ROBO2: variants seen among roughly 807,000 people sequenced by gnomAD.
ROBO2 encodes roundabout homolog 2.
A neutral mutation model predicts 160.8 loss-of-function variants in ROBO2; 53 were observed. The observed-to-expected ratio is 0.33, with a 90% confidence interval of 0.26 to 0.41. The LOEUF is 0.41. Among genes scored for constraint, ROBO2 ranks in the 10% least tolerant of loss-of-function variants. The probability of loss-of-function intolerance (pLI) is 1.00; values close to 1 mark genes in which losing one functional copy is unlikely to be tolerated. For missense variants in ROBO2, 1,577 were observed against 1,722.4 expected (o/e 0.92, Z 1.49); for synonymous variants, 664 against 611.7 (o/e 1.09, Z -1.26).
intron 2 of ROBO2, among the ~76,000 whole-genome samples, chr3:76,818,231 C>T (rs112101027): frequency 8.7e-4 from 133 of 152,104 alleles, no homozygotes; most frequent in African/African-American, 3.1e-3. Flanking sequence ...ATTTGAATTT[C>T]CCTGATCATT....
chr3:77,123,004 T>G (rs762526559), intron 2 of ROBO2, among the ~76,000 whole-genome samples: 26 of 152,148 alleles, frequency 1.7e-4, no homozygotes, highest in Non-Finnish European at 3.2e-4. Flanking sequence ...AAGTCATTAC[T>G]TTGTTATTAA....
intron 2 of ROBO2, among the ~76,000 whole-genome samples, chr3:76,579,948 C>T (rs947438329): frequency 6.6e-6 from 1 of 152,072 alleles, no homozygotes; most frequent in Non-Finnish European, 1.5e-5. Flanking sequence ...CCTTTTTAGA[C>T]AGGGTCCATT....
intron 2 of ROBO2, among the ~76,000 whole-genome samples, chr3:77,473,440 CTTTTTTTTTTTTTTTTTTTTTTTT>C (rs71104688): frequency 0.063 from 4,934 of 78,002 alleles, 389 homozygotes; most frequent in African/African-American, 0.21. Flanking sequence ...ACAAACTGCT[CTTTTTTTTTTTTTTTTTTTTTTTT>C]TTTTTTTTTT....
At chr3:76,516,882 T>C (rs2081368806) in intron 2 of ROBO2, among the ~76,000 whole-genome samples, 1 of 152,170 alleles carries the variant, frequency 6.6e-6, no homozygotes, top group African/African-American at 2.4e-5. Flanking sequence ...AGCTGTTTTA[T>C]TGCTTAATCC....
At chr3:75,934,241 T>C (rs1947670815) in intron 1 of ROBO2, among the ~76,000 whole-genome samples, 2 of 152,222 alleles carry the variant, frequency 1.3e-5, no homozygotes, top group Non-Finnish European at 2.9e-5. Context: ...ATCTGTTTTA[T>C]GTGCAGAAGA....
At chr3:75,982,668 G>C (rs1468553413) in intron 2 of ROBO2, among the ~76,000 whole-genome samples, 1 of 151,424 alleles carries the variant, frequency 6.6e-6, no homozygotes, top group Non-Finnish European at 1.5e-5. Context: ...TCACATCTTT[G>C]TTTTACCTAA....
At chr3:77,186,983 A>G (rs1579773305) in intron 2 of ROBO2, among the ~76,000 whole-genome samples, 1 of 152,160 alleles carries the variant, frequency 6.6e-6, no homozygotes, top group South Asian at 2.1e-4. Flanking sequence ...AGTGAAAGCT[A>G]TAAGTTTTCT....
intron 2 of ROBO2, among the ~76,000 whole-genome samples, chr3:76,915,172 A>C (rs1471293108): frequency 6.6e-6 from 1 of 152,148 alleles, no homozygotes; most frequent in Non-Finnish European, 1.5e-5. Flanking sequence ...TGTAAGTTCC[A>C]TGACAGCTGG....
At position 76,352,895 on chromosome 3, in the gene ROBO2, T is replaced by C. The variant is rs555579827; in HGVS notation, c.109+415293T>C. Among the ~76,000 whole-genome samples the C allele has an allele frequency of 2.6e-5, 4 of 152,062 alleles. No homozygotes were observed. The East Asian group carries it at 7.8e-4, about 30-fold the overall frequency. ...GATTACCCCATTGTTACAAATTCAC[T>C]CTGAAAATAGCAAGGCACACGTGGC... is the stretch of plus-strand genomic sequence containing the variant. On this transcript the variant is annotated intron_variant, in intron 2 of 26. Coordinates refer to the ROBO2 transcript ENST00000487694.
chr3:77,205,399 TTC>T (rs1305750585), intron 2 of ROBO2, among the ~76,000 whole-genome samples: 3 of 151,898 alleles, frequency 2.0e-5, no homozygotes, highest in Admixed American at 6.6e-5. Context: ...ACTCCTTCTC[TTC>T]TCTCTCTTTC....
At chr3:76,444,434 G>C (rs931172074) in intron 2 of ROBO2, among the ~76,000 whole-genome samples, 5 of 152,054 alleles carry the variant, frequency 3.3e-5, no homozygotes, top group African/African-American at 1.2e-4. Flanking sequence ...AGCTGCCCAA[G>C]ACTGAGTAAT....
intron 2 of ROBO2, among the ~76,000 whole-genome samples, chr3:77,012,944 T>A (rs1478162964): frequency 1.3e-5 from 2 of 152,224 alleles, no homozygotes; most frequent in African/African-American, 4.8e-5. Flanking sequence ...TACATTTCAC[T>A]GTATGATTTC....
intron 2 of ROBO2, among the ~76,000 whole-genome samples, chr3:77,134,365 C>A (rs1235279503): frequency 6.6e-6 from 1 of 152,188 alleles, no homozygotes; most frequent in Non-Finnish European, 1.5e-5. Context: ...TTGGTCAAAG[C>A]ATTCTTGAAA....
At chr3:76,756,465 T>C (rs1356132397) in intron 2 of ROBO2, among the ~76,000 whole-genome samples, 4 of 151,824 alleles carry the variant, frequency 2.6e-5, no homozygotes, top group African/African-American at 9.7e-5. Context: ...GGATTTGGGG[T>C]GAAAAAGTAG....
At chr3:76,697,333 G>A (rs2092949130) in intron 2 of ROBO2, among the ~76,000 whole-genome samples, 1 of 152,110 alleles carries the variant, frequency 6.6e-6, no homozygotes, top group African/African-American at 2.4e-5. Flanking sequence ...GAATAAACAT[G>A]TTTGAAACCC....
intron 2 of ROBO2, among the ~76,000 whole-genome samples, chr3:76,715,279 G>T (rs1331943818): frequency 1.3e-5 from 2 of 152,072 alleles, no homozygotes; most frequent in East Asian, 1.9e-4. Context: ...AATACTTCAT[G>T]ATATGCTTTT....
At chr3:76,728,461 T>C (rs2107806477) in intron 2 of ROBO2, among the ~76,000 whole-genome samples, 1 of 152,370 alleles carries the variant, frequency 6.6e-6, no homozygotes, top group Admixed American at 6.5e-5. Flanking sequence ...TTGCAAATTG[T>C]ATTTTGCCAA....
chr3:76,278,983 T>G (rs62261395), intron 2 of ROBO2, among the ~76,000 whole-genome samples: 3,659 of 151,974 alleles, frequency 0.024, 59 homozygotes, highest in South Asian at 0.066. Flanking sequence ...TTGCTAAAAA[T>G]GGGATGCAGA....
At chr3:77,308,234 T>C (rs1329699552) in intron 2 of ROBO2, among the ~76,000 whole-genome samples, 3 of 152,118 alleles carry the variant, frequency 2.0e-5, no homozygotes, top group Non-Finnish European at 4.4e-5. Flanking sequence ...AGATAACAAG[T>C]CTAAGCCAGA....
Sources: allele counts gnomAD v4.1 joint callset (sites outside exome capture counted in the v4.1 genomes callset), GRCh38; gene constraint gnomAD v4.1.1; transcripts MANE v1.5; gene names NCBI Gene and HGNC (gene_info 2026-07-23, HGNC 2026-07-21).